LRRC38: variants seen among roughly 807,000 people sequenced by gnomAD.
LRRC38 encodes leucine rich repeat containing 38.
Under a neutral mutation model 16.4 loss-of-function variants are expected in LRRC38, and 5 were observed. That is an observed-to-expected ratio of 0.31 (90% CI 0.16 to 0.64). The LOEUF (loss-of-function observed/expected upper bound fraction) is 0.64, where lower values mean the gene tolerates loss of function less well. Among genes scored for constraint, LRRC38 ranks in the 30% least tolerant of loss-of-function variants. The probability of loss-of-function intolerance (pLI) is 0.80; values close to 1 mark genes in which losing one functional copy is unlikely to be tolerated. For missense variants in LRRC38, 341 were observed against 401.8 expected, an observed-to-expected ratio of 0.85 and a Z score of 1.29; for synonymous variants, 191 against 190.2, an observed-to-expected ratio of 1.00 and a Z score of -0.04.
At chr1:13,512,920 T>TCCCCCCCCCCCCCC in intron 1 of LRRC38, 43 bp downstream of exon 1, 2 of 1,269,026 alleles carry the variant, frequency 1.6e-6, no homozygotes, top group Non-Finnish European at 2.2e-6. Context: ...GGCCTCTCCC[T>TCCCCCCCCCCCCCC]GCCCCCCTCC....
Position 13,506,314 on chromosome 1 carries a change from G to A in LRRC38, c.631+6649C>T, listed in dbSNP as rs150545224. Among the ~76,000 whole-genome samples, 639 of 152,278 alleles carry A rather than the reference G, an allele frequency of 4.2e-3. 3 individuals are homozygous for A. Among genetic ancestry groups the A allele is most frequent in the Non-Finnish European group, 6.3e-3 (428 of 68,024 alleles). On this transcript the variant is annotated intron_variant, in intron 1 of 1. Transcript: ENST00000376085. ...GGCATCACAGCCCATGATGTTTCCC[G>A]GGACCGAAAGGGATGCACTCGGCTG... is the stretch of plus-strand genomic sequence containing the variant.
At chr1:13,482,899 A>G (rs1342925576) in intron 1 of LRRC38, among the ~76,000 whole-genome samples, 2 of 152,194 alleles carry the variant, frequency 1.3e-5, no homozygotes, top group African/African-American at 4.8e-5. Flanking sequence ...ACCTGATCAG[A>G]AGGCCACTCT....
intron 1 of LRRC38, among the ~76,000 whole-genome samples, chr1:13,488,018 T>TAG (rs1252213704): frequency 4.6e-5 from 6 of 131,610 alleles, no homozygotes; most frequent in Non-Finnish European, 6.6e-5. Context: ...ATACCTTTTC[T>TAG]AGATTGTGTG....
In LRRC38 at chr1:13,513,308, C is replaced by T; in HGVS notation, c.286G>A (p.Glu96Lys). 1 of 1,550,628 alleles carries T rather than the reference C, an allele frequency of 6.4e-7. No individual in the cohort carries two copies. Among genetic ancestry groups the T allele is most frequent in the Non-Finnish European group, 8.7e-7 (1 of 1,146,968 alleles). The change falls in exon 1 of 2, where the codon GAG becomes AAG. Residue 96 changes from glutamate to lysine, a missense_variant. Physicochemically the swap from Glu to Lys is moderately conservative, Grantham distance 56 (BLOSUM62 1). Coordinates refer to ENST00000376085, the MANE Select transcript of LRRC38 (RefSeq NM_001010847.2). ...DFRNNSLRSL[E>K]EGTFSGSAKL... ...GCCGAGCCGCTGAACGTGCCCTCCTCCAGCGAGCGCAGCGAGTTGTTCCTG... is the reference window on the plus strand; with the variant it reads ...GCCGAGCCGCTGAACGTGCCCTCCTTCAGCGAGCGCAGCGAGTTGTTCCTG...
At position 13,475,618 on chromosome 1, in the gene LRRC38, G is replaced by GC. The variant is rs1356837807; in HGVS notation, c.*227dup. The GC allele has an allele frequency of 5.3e-5, 29 of 543,978 alleles. No individual in the cohort carries two copies. Among genetic ancestry groups the GC allele is most frequent in the Admixed American group, 3.8e-4 (12 of 31,798 alleles). 33.7% of individuals were successfully genotyped at this position (543,978 alleles called of 1,614,324 possible). ...CACCTCGATCTGAGAGGCAGGTTAT[G>GC]CTCCAGGAATAATTCCCTCCATCCT... On this transcript the variant is annotated 3_prime_UTR_variant, in exon 2 of 2. Transcript: ENST00000376085. The surrounding 1 kb of genome is among the most constrained non-coding windows in gnomAD (Gnocchi z 4.3).
At chr1:13,497,738 G>C (rs1447997917) in intron 1 of LRRC38, among the ~76,000 whole-genome samples, 1 of 151,998 alleles carries the variant, frequency 6.6e-6, no homozygotes, top group Non-Finnish European at 1.5e-5. Flanking sequence ...CACTTTGGGA[G>C]GCCGAGGAGG....
chr1:13,511,820 T>C (rs1037030243), intron 1 of LRRC38, among the ~76,000 whole-genome samples: 8 of 152,134 alleles, frequency 5.3e-5, no homozygotes, highest in African/African-American at 1.9e-4. Context: ...AAGTGATGGC[T>C]CAGGGGCCTG....
At chr1:13,485,069 G>T (rs1433081711) in intron 1 of LRRC38, among the ~76,000 whole-genome samples, 4 of 147,946 alleles carry the variant, frequency 2.7e-5, no homozygotes, top group Non-Finnish European at 6.0e-5. Flanking sequence ...CCTGAGGTCA[G>T]GAGTTCAAGA....
At chr1:13,491,667 T>C (rs1424529772) in intron 1 of LRRC38, among the ~76,000 whole-genome samples, 1 of 151,820 alleles carries the variant, frequency 6.6e-6, no homozygotes, top group Admixed American at 6.6e-5. Context: ...TCTCAGCCAT[T>C]TTCTTTTCTC....
At chr1:13,482,501 G>C (rs3013109) in intron 1 of LRRC38, among the ~76,000 whole-genome samples, 63,005 of 151,100 alleles carry the variant, frequency 0.42, 13,632 homozygotes, top group African/African-American at 0.54. Flanking sequence ...AATTTCTTGA[G>C]CCCCAGAGGC....
rs1484286767 is a variant in LRRC38 at position 13,487,178 on chromosome 1, C to T, written c.632-11079G>A. On this transcript the variant is annotated intron_variant, in intron 1 of 1. Transcript: ENST00000376085. This position sits in a 1 kb window ranked among gnomAD's most constrained non-coding sequence, Gnocchi z 4.4. ...CTGCAACAAATTCCTTCCCTGCCTA[C>T]ATTAGTCAGAGTTGGCTTCTGTTGT... 6.6e-6 allele frequency among the ~76,000 whole-genome samples: 1 copy of T among 152,208 alleles called. No individual in the cohort carries two copies. Among genetic ancestry groups the T allele is most frequent in the Admixed American group, 6.5e-5 (1 of 15,276 alleles).
chr1:13,484,929 T>G (rs1342002812), intron 1 of LRRC38, among the ~76,000 whole-genome samples: 1 of 152,212 alleles, frequency 6.6e-6, no homozygotes, highest in Non-Finnish European at 1.5e-5. Context: ...TAGAATCAGG[T>G]GGTCTCACCC....
chr1:13,492,912 C>T lies in LRRC38; in HGVS notation c.632-16813G>A, dbSNP rs150784918. Among the ~76,000 whole-genome samples the T allele has an allele frequency of 2.0e-3, 310 of 152,264 alleles. 1 individual carries two copies. The highest frequency in any genetic ancestry group is 7.3e-3 in the African/African-American group (304 of 41,552). On this transcript the variant is annotated intron_variant, in intron 1 of 1. Coordinates refer to ENST00000376085, the MANE Select transcript of LRRC38 (RefSeq NM_001010847.2). The stretch of plus-strand genomic sequence containing the variant: ...CTCTGCTCTGCCGCTCCCCTCTCCC[C>T]CCTGACCCAGGCCTAACCTCCGACC...
At chr1:13,497,979 A>T (rs1049156840) in intron 1 of LRRC38, among the ~76,000 whole-genome samples, 1 of 150,238 alleles carries the variant, frequency 6.7e-6, no homozygotes, top group Non-Finnish European at 1.5e-5. Context: ...AAAAAAAAAA[A>T]AAAGAAACGA....
At chr1:13,499,921 G>T (rs1639125896) in intron 1 of LRRC38, among the ~76,000 whole-genome samples, 1 of 152,142 alleles carries the variant, frequency 6.6e-6, no homozygotes, top group Admixed American at 6.5e-5. Context: ...ACTGTACAGG[G>T]CGAACCTGCC....
chr1:13,488,032 T>TTTTGTGTGTGTG (rs1553135210), intron 1 of LRRC38, among the ~76,000 whole-genome samples: 9 of 147,104 alleles, frequency 6.1e-5, no homozygotes, highest in Non-Finnish European at 1.2e-4. Flanking sequence ...TTGTGTGTGT[T>TTTTGTGTGTGTG]TGTGTGTGTG....
intron 1 of LRRC38, among the ~76,000 whole-genome samples, chr1:13,483,279 G>A (rs1020391747): frequency 2.0e-5 from 3 of 152,096 alleles, no homozygotes; most frequent in African/African-American, 7.2e-5. Flanking sequence ...AGCCTCCCGA[G>A]TAACTGGGAT....
intron 1 of LRRC38, among the ~76,000 whole-genome samples, chr1:13,476,903 A>C (rs544274805): frequency 3.9e-5 from 6 of 152,140 alleles, no homozygotes; most frequent in Admixed American, 3.9e-4. Context: ...GTTCGGGACC[A>C]GCCTGGCCAA....
chr1:13,486,135 C>T (rs1638931423), intron 1 of LRRC38, among the ~76,000 whole-genome samples: 2 of 151,942 alleles, frequency 1.3e-5, no homozygotes, highest in Admixed American at 6.6e-5. Flanking sequence ...GATGGGGTTT[C>T]GCCATATTGG....
Sources: gnomAD v4.1 joint callset for allele counts (sites outside exome capture counted in the v4.1 genomes callset) on GRCh38, gnomAD v4.1.1 for gene constraint, Gnocchi (gnomAD v3.1) non-coding constraint, MANE v1.5 for transcripts, NCBI Gene and HGNC (gene_info 2026-07-23, HGNC 2026-07-21) for gene names.